Variants in RABGAP1L observed in about 807,000 individuals in gnomAD.
The protein encoded by RABGAP1L is RAB GTPase activating protein 1 like.
RABGAP1L carries 63 observed loss-of-function variants against 137.7 expected under a neutral mutation model. That is an observed-to-expected ratio of 0.46 (90% CI 0.37 to 0.56). RABGAP1L has a LOEUF of 0.56. Ranked by LOEUF, RABGAP1L falls within the 20% of genes least tolerant of loss-of-function variation. RABGAP1L has a pLI of 0.00. For synonymous variants in RABGAP1L, 431 were observed against 433.7 expected, an observed-to-expected ratio of 0.99 and a Z score of 0.08; for missense variants, 1,095 against 1,244.0, an observed-to-expected ratio of 0.88 and a Z score of 1.80.
At chr1:174,712,751 C>G (rs1680664846) in intron 17 of RABGAP1L, among the ~76,000 whole-genome samples, 1 of 152,114 alleles carries the variant, frequency 6.6e-6, no homozygotes, top group Admixed American at 6.5e-5. Flanking sequence ...CTCTTAGCAC[C>G]CCGTGGTTGG....
intron 19 of RABGAP1L, among the ~76,000 whole-genome samples, chr1:174,824,238 T>C (rs1044304900): frequency 3.3e-5 from 5 of 152,094 alleles, no homozygotes; most frequent in African/African-American, 1.2e-4. Context: ...TGCAGTGAGC[T>C]GAGTTCGCTC....
chr1:174,644,034 T>C (rs1047629791), intron 14 of RABGAP1L, among the ~76,000 whole-genome samples: 6 of 152,082 alleles, frequency 3.9e-5, no homozygotes, highest in African/African-American at 1.4e-4. Flanking sequence ...TTTGTTAGTA[T>C]CATTATAGTC....
intron 20 of RABGAP1L, chr1:174,964,807 G>A (rs1669469763): frequency 7.3e-7 from 1 of 1,377,828 alleles, no homozygotes; most frequent in Admixed American, 3.3e-5. Context: ...GTCACAGAGA[G>A]AACTTAGAGT....
chr1:174,931,773 T>A (rs1663831472), intron 19 of RABGAP1L, among the ~76,000 whole-genome samples: 1 of 152,062 alleles, frequency 6.6e-6, no homozygotes, highest in Non-Finnish European at 1.5e-5. Flanking sequence ...TTGTTAATAT[T>A]TCACCTAAAA....
intron 19 of RABGAP1L, chr1:174,849,664 TTTTC>T (rs1647902923): frequency 2.5e-6 from 1 of 407,302 alleles, no homozygotes. Flanking sequence ...TTTGTTGTGA[TTTTC>T]TTCATTTTGA....
At chr1:174,221,994 ATT>A (rs561413366) in intron 3 of RABGAP1L, among the ~76,000 whole-genome samples, 74 of 144,228 alleles carry the variant, frequency 5.1e-4, no homozygotes, top group Middle Eastern at 3.6e-3. Context: ...TGCCTAGCTA[ATT>A]TTTTTTTTTT....
intron 13 of RABGAP1L, among the ~76,000 whole-genome samples, chr1:174,633,069 A>G (rs527583658): frequency 1.9e-4 from 29 of 152,178 alleles, no homozygotes; most frequent in African/African-American, 4.8e-4. Flanking sequence ...AGGGTATTCA[A>G]TTAGGAAAAG....
intron 13 of RABGAP1L, among the ~76,000 whole-genome samples, chr1:174,442,624 T>C (rs922798272): frequency 1.3e-5 from 2 of 152,156 alleles, no homozygotes; most frequent in Admixed American, 1.3e-4. Flanking sequence ...ATAATAGTTA[T>C]ATATGGGGTA....
chr1:174,399,856 C>T (rs745912379), intron 13 of RABGAP1L, among the ~76,000 whole-genome samples: 15 of 152,082 alleles, frequency 9.9e-5, no homozygotes, highest in African/African-American at 1.4e-4. Flanking sequence ...CCCCATGATT[C>T]GGTTATCTCC....
chr1:174,696,340 G>A (rs769367935), intron 15 of RABGAP1L, among the ~76,000 whole-genome samples: 3 of 151,982 alleles, frequency 2.0e-5, no homozygotes, highest in Non-Finnish European at 4.4e-5. Context: ...TGCCCTGCCT[G>A]GAGTTGGGGA....
chr1:174,654,633 A>T (rs6671313), intron 14 of RABGAP1L, among the ~76,000 whole-genome samples: 1,806 of 152,110 alleles, frequency 0.012, 26 homozygotes, highest in African/African-American at 0.03. Context: ...CAATTTTTTT[A>T]AAAAAAATAT....
intron 13 of RABGAP1L, among the ~76,000 whole-genome samples, chr1:174,450,459 C>G (rs952774881): frequency 3.3e-5 from 5 of 151,958 alleles, no homozygotes; most frequent in African/African-American, 1.2e-4. Context: ...ATACAAAAAC[C>G]TATTTTAAGA....
intron 14 of RABGAP1L, among the ~76,000 whole-genome samples, chr1:174,664,417 G>A (rs1249046244): frequency 6.6e-6 from 1 of 151,936 alleles, no homozygotes; most frequent in Non-Finnish European, 1.5e-5. Context: ...TTTATATTCT[G>A]GAGAAATCAC....
At position 174,761,471 on chromosome 1, in the gene RABGAP1L, C is replaced by T. The variant is rs1307944345; in HGVS notation, c.2211+9117C>T. 6.6e-6 allele frequency among the ~76,000 whole-genome samples: 1 copy of T among 151,960 alleles called. No homozygotes were observed. Among genetic ancestry groups the T allele is most frequent in the Non-Finnish European group, 1.5e-5 (1 of 68,006 alleles). On this transcript the variant is annotated intron_variant, in intron 18 of 25. Transcript: ENST00000681986. The surrounding 1 kb of genome is among the most constrained non-coding windows in gnomAD (Gnocchi z 4.0). ...GGTGCAGCCGCCAGGCAGAGGTGCT[C>T]CTCACTTCCCAGACAATGCAGGGGC...
At chr1:174,544,977 G>T (rs1457424718) in intron 13 of RABGAP1L, 1 of 158,630 alleles carries the variant, frequency 6.3e-6, no homozygotes, top group African/African-American at 2.4e-5. Context: ...CTTCATCTCA[G>T]AAGGGCACCT....
At chr1:174,322,318 C>T (rs914712452) in intron 11 of RABGAP1L, among the ~76,000 whole-genome samples, 1 of 152,076 alleles carries the variant, frequency 6.6e-6, no homozygotes, top group East Asian at 1.9e-4. Context: ...TTTATGGTTT[C>T]TGCAGGTTAG....
At chr1:174,767,415 A>C (rs1438756284) in intron 18 of RABGAP1L, among the ~76,000 whole-genome samples, 1 of 152,218 alleles carries the variant, frequency 6.6e-6, no homozygotes, top group Non-Finnish European at 1.5e-5. Context: ...AGCACTTGAA[A>C]AAATTTAATT....
In RABGAP1L at chr1:174,609,487, A is replaced by G. The variant is rs193020569; in HGVS notation, c.1711-27888A>G. On this transcript the variant is annotated intron_variant, in intron 13 of 25. Coordinates refer to ENST00000681986, the MANE Select transcript of RABGAP1L (RefSeq NM_001366446.1). Reference sequence around the variant, plus strand: ...ATATTGATTAAAGGGGTAGAAGGGAATTTCAAACGAGAGGAGGACTGTAAC... The same window carrying G: ...ATATTGATTAAAGGGGTAGAAGGGAGTTTCAAACGAGAGGAGGACTGTAAC... 2.7e-4 allele frequency among the ~76,000 whole-genome samples: 41 copies of G among 152,274 alleles called. No individual in the cohort carries two copies. In the East Asian group the frequency reaches 7.1e-3, roughly 26 times the overall value.
intron 19 of RABGAP1L, chr1:174,850,240 C>G (rs939286592): frequency 3.8e-6 from 1 of 261,636 alleles, no homozygotes. Flanking sequence ...TCCGGGGTAC[C>G]CTAGAATAAC....
Sources: gnomAD v4.1 joint callset for allele counts (sites outside exome capture counted in the v4.1 genomes callset) on GRCh38, gnomAD v4.1.1 for gene constraint, Gnocchi (gnomAD v3.1) non-coding constraint, MANE v1.5 for transcripts, NCBI Gene and HGNC (gene_info 2026-07-23, HGNC 2026-07-21) for gene names.